DLEU7: variants seen among roughly 807,000 people sequenced by gnomAD.
The protein encoded by DLEU7 is deleted in lymphocytic leukemia 7, also known as leukemia-associated protein 7.
DLEU7 carries 17 observed loss-of-function variants against 16.0 expected under a neutral mutation model. The observed-to-expected ratio is 1.06, with a 90% CI of 0.73 to 1.59. DLEU7 has a LOEUF of 1.59. Ranked by LOEUF, DLEU7 falls within the 40% of genes most tolerant of loss-of-function variation. DLEU7 has a pLI of 0.00. For synonymous variants in DLEU7, 113 were observed against 139.8 expected, an observed-to-expected ratio of 0.81 and a Z score of 1.35; for missense variants, 308 against 314.9, an observed-to-expected ratio of 0.98 and a Z score of 0.17.
At chr13:50,723,445 C>T (rs924445474) in intron 1 of DLEU7, among the ~76,000 whole-genome samples, 1 of 147,742 alleles carries the variant, frequency 6.8e-6, no homozygotes, top group Admixed American at 6.8e-5. Context: ...CACACACACA[C>T]GTATTGGTCA....
intron 1 of DLEU7, among the ~76,000 whole-genome samples, chr13:50,772,159 C>T (rs529875834): frequency 3.3e-5 from 5 of 152,280 alleles, no homozygotes; most frequent in East Asian, 1.9e-4. Context: ...CTATGTGTGT[C>T]TCTGCACATG....
At chr13:50,838,189 C>T (rs1374489616) in intron 1 of DLEU7, among the ~76,000 whole-genome samples, 2 of 152,194 alleles carry the variant, frequency 1.3e-5, no homozygotes, top group African/African-American at 2.4e-5. Context: ...GACTGCTGCT[C>T]TTGCACCACA....
chr13:50,773,028 A>G (rs1373827192), intron 1 of DLEU7, among the ~76,000 whole-genome samples: 1 of 151,938 alleles, frequency 6.6e-6, no homozygotes, highest in Non-Finnish European at 1.5e-5. Context: ...TTCTACAGTC[A>G]CTGATACCCT....
At chr13:50,805,999 C>T (rs898654563) in intron 1 of DLEU7, among the ~76,000 whole-genome samples, 2 of 152,132 alleles carry the variant, frequency 1.3e-5, no homozygotes, top group African/African-American at 4.8e-5. Flanking sequence ...GTTTGCTGCC[C>T]TCTATTGTAA....
intron 1 of DLEU7, among the ~76,000 whole-genome samples, chr13:50,824,982 A>G (rs1255023892): frequency 6.6e-6 from 1 of 152,218 alleles, no homozygotes; most frequent in African/African-American, 2.4e-5. Flanking sequence ...ACATTTTGGC[A>G]TCAGGGACCA....
At chr13:50,820,378 ATAT>A (rs1418072950), downstream of DLEU7, among the ~76,000 whole-genome samples, 2 of 152,094 alleles carry the variant, frequency 1.3e-5, no homozygotes, top group Non-Finnish European at 2.9e-5. Flanking sequence ...TGACTCAATG[ATAT>A]TATGAGAGGC....
chr13:50,814,479 A>G (rs1876663409), intron 1 of DLEU7, among the ~76,000 whole-genome samples: 1 of 151,974 alleles, frequency 6.6e-6, no homozygotes. Context: ...ACTAATAATA[A>G]TGAACAATAA....
chr13:50,739,554 G>C (rs553696716), intron 1 of DLEU7, among the ~76,000 whole-genome samples: 1 of 152,154 alleles, frequency 6.6e-6, no homozygotes, highest in Non-Finnish European at 1.5e-5. Flanking sequence ...ATGGGTGTTA[G>C]GTACTTTCTG....
chr13:50,729,604 C>A (rs895885859), intron 1 of DLEU7, among the ~76,000 whole-genome samples: 3 of 152,162 alleles, frequency 2.0e-5, no homozygotes, highest in Admixed American at 6.5e-5. Context: ...TGAGAAATTA[C>A]CAAACTGCTT....
intron 1 of DLEU7, among the ~76,000 whole-genome samples, chr13:50,765,544 T>C (rs1875077375): frequency 6.6e-6 from 1 of 151,638 alleles, no homozygotes; most frequent in Admixed American, 6.6e-5. Context: ...CTTCTGGCAA[T>C]AATCAGGCCC....
chr13:50,712,176 G>C (rs1196619940), exon 2 of DLEU7: 1 of 152,106 alleles, frequency 6.6e-6, no homozygotes, highest in African/African-American at 2.4e-5. Flanking sequence ...AACAACTTCT[G>C]GGCCAAGTGC....
intron 1 of DLEU7, among the ~76,000 whole-genome samples, chr13:50,745,062 C>T (rs142364376): frequency 1.2e-4 from 18 of 152,262 alleles, no homozygotes; most frequent in Non-Finnish European, 2.4e-4. Context: ...TAATTTCACT[C>T]CTAGGTGTAT....
chr13:50,813,130 G>A (rs984368512), intron 1 of DLEU7: 11 of 152,074 alleles, frequency 7.2e-5, no homozygotes, highest in Admixed American at 1.3e-4. Context: ...ACTAATGCAT[G>A]GATACCAGAA....
At chr13:50,820,166 T>C (rs919945422), downstream of DLEU7, among the ~76,000 whole-genome samples, 2 of 152,128 alleles carry the variant, frequency 1.3e-5, no homozygotes, top group African/African-American at 4.8e-5. Context: ...ATCAGGAGTC[T>C]TGACAAGAGA....
At chr13:50,768,850 G>C (rs767633002) in intron 1 of DLEU7, among the ~76,000 whole-genome samples, 1 of 152,168 alleles carries the variant, frequency 6.6e-6, no homozygotes, top group Non-Finnish European at 1.5e-5. Flanking sequence ...GATCCTTGAG[G>C]AATTGCCACA....
chr13:50,787,889 G>A lies in DLEU7; in HGVS notation c.459+55299C>T, dbSNP rs138064741. ...CCCTCTGCTCATACCCATTGTCCAC[G>A]TCTCCTCTTCACAAACCCATATTCA... On this transcript the variant is annotated intron_variant, in intron 1 of 1. Coordinates refer to the DLEU7 transcript ENST00000400393. Among the ~76,000 whole-genome samples, 15 of 152,064 alleles carry A rather than the reference G, an allele frequency of 9.9e-5. No individual in the cohort carries two copies. The South Asian group carries it at 1.0e-3, about 11-fold the overall frequency.
chr13:50,720,383 T>G (rs1299446734), intron 1 of DLEU7, among the ~76,000 whole-genome samples: 1 of 152,200 alleles, frequency 6.6e-6, no homozygotes. Flanking sequence ...AATGACCAGA[T>G]CAGGGCAAGA....
intron 1 of DLEU7, among the ~76,000 whole-genome samples, chr13:50,716,267 G>A (rs1035198570): frequency 6.6e-6 from 1 of 152,102 alleles, no homozygotes; most frequent in African/African-American, 2.4e-5. Context: ...TCAAGAGAAG[G>A]GCCAAACATC....
At chr13:50,799,896 G>A (rs1029772970) in intron 1 of DLEU7, among the ~76,000 whole-genome samples, 3 of 152,118 alleles carry the variant, frequency 2.0e-5, no homozygotes, top group Non-Finnish European at 2.9e-5. Context: ...TCTGTCCTGC[G>A]TTGCTGAAGA....
Sources: gnomAD v4.1 joint callset for allele counts (sites outside exome capture counted in the v4.1 genomes callset) on GRCh38, gnomAD v4.1.1 for gene constraint, MANE v1.5 for transcripts, NCBI Gene and HGNC (gene_info 2026-07-23, HGNC 2026-07-21) for gene names.